The following FAT2 variants were observed in gnomAD, a reference collection of about 807,000 sequenced individuals.
The protein encoded by FAT2 is protocadherin Fat 2.
In FAT2, 150 loss-of-function variants were observed where a neutral mutation model predicts 295.3. The observed-to-expected ratio is 0.51, with a 90% CI of 0.44 to 0.58. The LOEUF (loss-of-function observed/expected upper bound fraction) is 0.58. FAT2 is among the 20% of genes least tolerant of loss of function. The pLI is 0.00. For missense variants in FAT2, 4,868 were observed against 5,442.7 expected (o/e 0.89, Z 3.32); for synonymous variants, 2,026 against 2,150.3 (o/e 0.94, Z 1.60).
Position 151,540,663 on chromosome 5 carries a change from C to A in FAT2, c.8943G>T (p.Leu2981Phe), listed in dbSNP as rs2127602553. 6.2e-7 allele frequency: 1 copy of A among 1,614,204 alleles called. No individual in the cohort carries two copies. Among genetic ancestry groups the A allele is most frequent in the Non-Finnish European group, 8.5e-7 (1 of 1,180,034 alleles). Reference sequence around the variant, plus strand: ...TGCCATCAGATGCTGTGACTCTGAGCAAGTACTTGGCTGTATGCTCGCGGT... The same window carrying A: ...TGCCATCAGATGCTGTGACTCTGAGAAAGTACTTGGCTGTATGCTCGCGGT... ...TLDREHTAKY[L>F]LRVTASDGKF... The change falls in exon 11 of 24, where the codon TTG (leucine) becomes TTT (phenylalanine). Residue 2981 changes from leucine to phenylalanine, a missense_variant. By Grantham distance (22) the Leu-to-Phe change is conservative. This residue lies in a region of FAT2 where 3,297 missense variants were observed against 3,669.4 expected (regional missense o/e 0.90). Coordinates refer to ENST00000261800, the MANE Select transcript of FAT2 (RefSeq NM_001447.3).
rs770906174 is a variant in FAT2 at position 151,563,425 on chromosome 5, T to G, written c.3474A>C (p.Gln1158His). 1.9e-6 allele frequency: 3 copies of G among 1,614,168 alleles called. No homozygotes were observed. The South Asian group carries it at 3.3e-5, about 18-fold the overall frequency. ...EDAPVGTSVL[Q>H]LDAWDPDSSS... ...TGGAGTCTGGGTCCCAGGCATCCAG[T>G]TGAAGCACAGAGGTGCCCACGGGAG... The change falls in exon 3 of 24, where the codon CAA (glutamine) becomes CAC (histidine). Residue 1158 changes from glutamine to histidine, a missense_variant. By Grantham distance (24) the Gln-to-His change is conservative. Around this residue, in one of 5 missense-constraint regions of FAT2, gnomAD observed 3,297 missense variants for 3,669.4 expected, o/e 0.90. Transcript: ENST00000261800.
intron 17 of FAT2, among the ~76,000 whole-genome samples, chr5:151,526,782 C>G (rs992313609): frequency 6.6e-6 from 1 of 152,128 alleles, no homozygotes; most frequent in African/African-American, 2.4e-5. Context: ...CCTTTTTATT[C>G]ACTCCCTCAC....
upstream of FAT2, among the ~76,000 whole-genome samples, chr5:151,592,402 A>C (rs1212654636): frequency 6.6e-6 from 1 of 152,154 alleles, no homozygotes; most frequent in African/African-American, 2.4e-5. Flanking sequence ...AACTGAAAGC[A>C]ACTCTGCAAC....
rs1753007722 is a variant in FAT2, at chr5:151,517,695, G to A, written c.11388C>T (p.Ile3796=). Reference sequence around the variant, plus strand: ...GCTGGAGTGTTTTCAGATAGAAATGGATGTGCCAGTTCCGAGCCGCTGGGG... The same window carrying A: ...GCTGGAGTGTTTTCAGATAGAAATGAATGTGCCAGTTCCGAGCCGCTGGGG... ...YRAPAARNWH[I]HFYLKTLQPQ... Residue 3796 remains isoleucine (I), a synonymous_variant, in exon 20 of 24, where the codon ATC becomes ATT. Transcript: ENST00000261800. The A allele has an allele frequency of 1.2e-6, 2 of 1,614,072 alleles. No individual in the cohort carries two copies. The highest frequency in any genetic ancestry group is 1.7e-6 in the Non-Finnish European group (2 of 1,180,046).
In FAT2 at chr5:151,512,501, C is replaced by G; in HGVS notation, c.11569G>C (p.Val3857Leu). Residue 3857 changes from valine (V) to leucine (L), a missense_variant, in exon 21 of 24, where the codon GTG becomes CTG. Val to Leu is a conservative substitution (Grantham distance 32). Around this residue, in one of 5 missense-constraint regions of FAT2, gnomAD observed 1,046 missense variants for 1,210.1 expected, o/e 0.86. Coordinates refer to ENST00000261800, the MANE Select transcript of FAT2 (RefSeq NM_001447.3). The surrounding 1 kb of genome is among the most constrained non-coding windows in gnomAD (Gnocchi z 4.1). The stretch of plus-strand genomic sequence containing the variant: ...CGAATGGAAGCGTCCATCTCCTCCA[C>G]CAGGATGGAGTGCCACTCGTGGTCA... ...VNDHEWHSIL[V>L]EEMDASIRLM... is the part of the protein sequence containing the mutation. 6.2e-7 allele frequency: 1 copy of G among 1,614,170 alleles called. No individual in the cohort carries two copies. The highest frequency in any genetic ancestry group is 8.5e-7 in the Non-Finnish European group (1 of 1,180,026).
chr5:151,562,818 C>T (rs1418252535), intron 3 of FAT2, among the ~76,000 whole-genome samples: 1 of 152,228 alleles, frequency 6.6e-6, no homozygotes, highest in East Asian at 1.9e-4. Context: ...ATCCTTGTCC[C>T]AGAAGGCTTT....
intron 1 of FAT2, among the ~76,000 whole-genome samples, chr5:151,570,616 G>A (rs1758484340): frequency 6.6e-6 from 1 of 152,270 alleles, no homozygotes; most frequent in Non-Finnish European, 1.5e-5. Flanking sequence ...GCGGGGCAGG[G>A]TTTGGCAGGG....
chr5:151,547,197 C>T (rs1317505596), intron 9 of FAT2, among the ~76,000 whole-genome samples: 2 of 151,972 alleles, frequency 1.3e-5, no homozygotes, highest in Non-Finnish European at 2.9e-5. Flanking sequence ...GAAAAAATAC[C>T]GTATTAAAAT....
At chr5:151,515,284 C>A (rs1229230411) in intron 20 of FAT2, among the ~76,000 whole-genome samples, 3 of 152,198 alleles carry the variant, frequency 2.0e-5, no homozygotes, top group African/African-American at 7.2e-5. Context: ...TTTGTTGAAT[C>A]CCCTCTTCCC....
chr5:151,522,362 A>G (rs1753560091), intron 18 of FAT2, among the ~76,000 whole-genome samples: 1 of 152,216 alleles, frequency 6.6e-6, no homozygotes. Context: ...CATCTCTCTG[A>G]GCCTCTTCCT....
At chr5:151,538,590 C>T (rs372504586) in intron 11 of FAT2, among the ~76,000 whole-genome samples, 4 of 152,330 alleles carry the variant, frequency 2.6e-5, no homozygotes, top group East Asian at 3.9e-4. Flanking sequence ...TGGCAGTGAG[C>T]CAGCCTGCAA....
chr5:151,505,396 C>T lies in FAT2; in HGVS notation c.*169G>A. 1.3e-6 allele frequency: 1 copy of T among 776,466 alleles called. No homozygotes were observed. The highest frequency in any genetic ancestry group is 2.1e-6 in the Non-Finnish European group (1 of 487,782). The allele number at this position is 776,466 out of a possible 1,614,324, so 48.1% of individuals were successfully genotyped here. On this transcript the variant is annotated 3_prime_UTR_variant, in exon 24 of 24. Transcript: ENST00000261800. ...TCTATCCTCAGCTTCCCTCCACCCT[C>T]AGGGACTAGGTGGGGGATTGGAAGA...
chr5:151,593,508 C>T (rs912498084), upstream of FAT2, among the ~76,000 whole-genome samples: 1 of 152,180 alleles, frequency 6.6e-6, no homozygotes, highest in African/African-American at 2.4e-5. Context: ...TCTGGTGGGT[C>T]TTCAAGCCTC....
intron 1 of FAT2, among the ~76,000 whole-genome samples, chr5:151,584,359 G>A (rs1406256488): frequency 4.6e-5 from 7 of 152,088 alleles, no homozygotes; most frequent in Non-Finnish European, 1.0e-4. Context: ...CAGCTCATTG[G>A]GGCTTACTTC....
At chr5:151,511,536 G>T in intron 21 of FAT2, 1 of 153,006 alleles carries the variant, frequency 6.5e-6, no homozygotes, top group Non-Finnish European at 1.5e-5. Context: ...ATAGGAGAAT[G>T]CTCCCTGCAG....
At chr5:151,536,775 TAG>T (rs1044059470) in intron 12 of FAT2, among the ~76,000 whole-genome samples, 1 of 152,234 alleles carries the variant, frequency 6.6e-6, no homozygotes, top group African/African-American at 2.4e-5. Flanking sequence ...GTTTGCAGCA[TAG>T]ATACCTTGAG....
chr5:151,506,622 C>A (rs188499299), intron 23 of FAT2, among the ~76,000 whole-genome samples: 1 of 152,186 alleles, frequency 6.6e-6, no homozygotes, highest in East Asian at 1.9e-4. Context: ...TGATGGGCCT[C>A]GGTTTCCGTA....
chr5:151,546,010 T>C lies in FAT2; in HGVS notation c.5117A>G (p.Asn1706Ser). The change falls in exon 10 of 24, where the codon AAC becomes AGC. Residue 1706 changes from asparagine to serine, a missense_variant. Coordinates refer to ENST00000261800, the MANE Select transcript of FAT2 (RefSeq NM_001447.3). The stretch of plus-strand genomic sequence containing the variant: ...GGTGGAAATAAGGCCAGAATATGAG[T>C]TCATAGAGAAGACTCCATCCTTATT... ...EGNKDGVFSM[N>S]SYSGLISTQK... 1 of 1,613,836 alleles carries C rather than the reference T, an allele frequency of 6.2e-7. No homozygotes were observed. Among genetic ancestry groups the C allele is most frequent in the Non-Finnish European group, 8.5e-7 (1 of 1,179,960 alleles).
intron 23 of FAT2, among the ~76,000 whole-genome samples, chr5:151,506,920 C>A (rs1760930089): frequency 6.6e-6 from 1 of 152,170 alleles, no homozygotes; most frequent in Admixed American, 6.5e-5. Context: ...TGTCATGAAC[C>A]TCAATCCCAT....
Sources: allele counts gnomAD v4.1 joint callset (sites outside exome capture counted in the v4.1 genomes callset), GRCh38; gene constraint gnomAD v4.1.1; regional missense constraint gnomAD v4.1.1; non-coding constraint Gnocchi (gnomAD v3.1); transcripts MANE v1.5; gene names NCBI Gene and HGNC (gene_info 2026-07-23, HGNC 2026-07-21).